STPG2: variants seen among roughly 807,000 people sequenced by gnomAD.
STPG2 encodes the protein sperm tail PG-rich repeat containing 2, also known as sperm-tail PG-rich repeat-containing protein 2.
STPG2 carries 56 observed loss-of-function variants against 54.2 expected under a neutral mutation model. The observed-to-expected ratio is 1.03, with a 90% CI of 0.83 to 1.29. The LOEUF (loss-of-function observed/expected upper bound fraction) is 1.29. Ranked by LOEUF, STPG2 falls within the 50% of genes most tolerant of loss-of-function variation. The pLI is 0.00. For synonymous variants in STPG2, 200 were observed against 181.8 expected (o/e 1.10, Z -0.81); for missense variants, 596 against 544.9 (o/e 1.09, Z -0.93).
intron 9 of STPG2, among the ~76,000 whole-genome samples, chr4:97,819,521 T>C (rs897026534): frequency 1.3e-5 from 2 of 152,156 alleles, no homozygotes; most frequent in African/African-American, 2.4e-5. Flanking sequence ...GATCTACTCA[T>C]TACTGAGTAA....
chr4:98,059,826 C>A (rs1737588710), intron 5 of STPG2, among the ~76,000 whole-genome samples: 1 of 152,088 alleles, frequency 6.6e-6, no homozygotes, highest in Non-Finnish European at 1.5e-5. Flanking sequence ...ATGATTATCT[C>A]AATAGATACA....
chr4:97,658,017 T>A (rs975840302), intron 10 of STPG2, among the ~76,000 whole-genome samples: 1 of 152,170 alleles, frequency 6.6e-6, no homozygotes, highest in African/African-American at 2.4e-5. Flanking sequence ...AAGAAGAACA[T>A]ATGTGATTTG....
intron 7 of STPG2, among the ~76,000 whole-genome samples, chr4:97,968,113 C>T (rs2149253740): frequency 6.6e-6 from 1 of 152,010 alleles, no homozygotes; most frequent in Admixed American, 6.5e-5. Flanking sequence ...ACACCATTAG[C>T]AAGATTAATA....
chr4:97,891,914 T>TTTC (rs1730786686), intron 8 of STPG2, among the ~76,000 whole-genome samples: 1 of 152,106 alleles, frequency 6.6e-6, no homozygotes, highest in African/African-American at 2.4e-5. Flanking sequence ...TGTCTACCTT[T>TTTC]TTCAGTAAAT....
At chr4:97,486,845 A>ATATATATGTATG (rs758834350) in intron 4 of STPG2, among the ~76,000 whole-genome samples, 15 of 137,076 alleles carry the variant, frequency 1.1e-4, no homozygotes, top group African/African-American at 4.2e-4. Flanking sequence ...ATATATATAT[A>ATATATATGTATG]TATGTATGTA....
intron 10 of STPG2, among the ~76,000 whole-genome samples, chr4:97,712,135 G>A (rs1443755542): frequency 6.6e-6 from 1 of 152,108 alleles, no homozygotes; most frequent in Non-Finnish European, 1.5e-5. Flanking sequence ...TAGTAGGGTA[G>A]GAATGGGGAA....
chr4:97,743,770 G>A (rs1391645524), intron 9 of STPG2, among the ~76,000 whole-genome samples: 1 of 151,476 alleles, frequency 6.6e-6, no homozygotes, highest in Non-Finnish European at 1.5e-5. Flanking sequence ...AATTCCATGG[G>A]GTTCTAAATA....
intron 3 of STPG2, among the ~76,000 whole-genome samples, chr4:98,112,577 T>C (rs1327442024): frequency 1.3e-5 from 2 of 152,132 alleles, no homozygotes; most frequent in African/African-American, 4.8e-5. Flanking sequence ...AACTTTAATG[T>C]TTGCATGAAG....
rs1007034488 is a variant in STPG2 at position 97,801,346 on chromosome 4, A to G, written c.1204+39427T>C. 6.6e-5 allele frequency among the ~76,000 whole-genome samples: 10 copies of G among 152,002 alleles called. 1 individual carries two copies. The highest frequency in any genetic ancestry group is 6.8e-3 in the Middle Eastern group (2 of 294). ...AACCTCCCCATTTCTACACTTTTTT[A>G]TCATCCACCCAGCTTAAGAAAATCT... On this transcript the variant is annotated intron_variant, in intron 9 of 10. Transcript: ENST00000295268.
In STPG2 at chr4:97,558,898, C is replaced by A; in HGVS notation, c.*160G>T. The A allele has an allele frequency of 1.7e-6, 1 of 585,994 alleles. No individual in the cohort carries two copies. The highest frequency in any genetic ancestry group is 3.0e-6 in the Non-Finnish European group (1 of 330,466). 36.3% of individuals were successfully genotyped at this position (585,994 alleles called of 1,614,324 possible). On this transcript the variant is annotated 3_prime_UTR_variant, in exon 11 of 11. Coordinates refer to ENST00000295268, the MANE Select transcript of STPG2 (RefSeq NM_174952.3). ...TTTGTCTTAACAAGGTTTATTTCTCCGTGGTTGTGTCATATAGTCACTAAA... is the reference window on the plus strand; with the variant it reads ...TTTGTCTTAACAAGGTTTATTTCTCAGTGGTTGTGTCATATAGTCACTAAA...
chr4:97,443,782 A>C (rs531311878), intron 4 of STPG2, among the ~76,000 whole-genome samples: 2 of 152,190 alleles, frequency 1.3e-5, no homozygotes, highest in Non-Finnish European at 2.9e-5. Flanking sequence ...ATAATTTTTC[A>C]TGAGCAATAT....
chr4:97,907,139 T>C (rs1234644571), intron 8 of STPG2, among the ~76,000 whole-genome samples: 4 of 152,038 alleles, frequency 2.6e-5, no homozygotes, highest in East Asian at 1.9e-4. Context: ...GCCCAAAATC[T>C]CCTTAAGCTG....
At chr4:97,455,807 C>G (rs1394298956) in intron 4 of STPG2, among the ~76,000 whole-genome samples, 2 of 152,096 alleles carry the variant, frequency 1.3e-5, no homozygotes, top group Non-Finnish European at 2.9e-5. Flanking sequence ...TAACACATGC[C>G]CAACTGAGGC....
intron 5 of STPG2, among the ~76,000 whole-genome samples, chr4:98,023,419 C>T: frequency 6.6e-6 from 1 of 152,178 alleles, no homozygotes; most frequent in East Asian, 1.9e-4. Context: ...GAGTACTTGG[C>T]CGTGTGAGGT....
rs551293297 is a variant in STPG2, at chr4:97,659,620, G to A, written c.1320+53079C>T. 1.1e-4 allele frequency among the ~76,000 whole-genome samples: 17 copies of A among 152,270 alleles called. No individual in the cohort carries two copies. In the East Asian group the frequency reaches 3.1e-3, roughly 28 times the overall value. On this transcript the variant is annotated intron_variant, in intron 10 of 10. Transcript: ENST00000295268. ...AGATAAAGCTTTACCTGTGCAATAA[G>A]GAGAGAAAAAGCAAAGTGCTTTGGC...
At chr4:98,054,251 ACCCC>A (rs2149316011) in intron 5 of STPG2, among the ~76,000 whole-genome samples, 1 of 152,192 alleles carries the variant, frequency 6.6e-6, no homozygotes, top group South Asian at 2.1e-4. Context: ...ACAACGCATA[ACCCC>A]ATGCAGCAGG....
intron 8 of STPG2, among the ~76,000 whole-genome samples, chr4:97,938,807 A>G (rs1732861098): frequency 6.6e-6 from 1 of 151,602 alleles, no homozygotes; most frequent in East Asian, 2.0e-4. Flanking sequence ...TCCTGATGAG[A>G]GAACCTGGAT....
intron 9 of STPG2, among the ~76,000 whole-genome samples, chr4:97,714,761 C>G (rs1356396213): frequency 1.8e-4 from 27 of 151,968 alleles, no homozygotes; most frequent in Admixed American, 1.8e-3. Context: ...AAACTATCAC[C>G]AGAAGCTGGG....
At chr4:97,634,397 C>T (rs925075102) in intron 10 of STPG2, among the ~76,000 whole-genome samples, 1 of 152,140 alleles carries the variant, frequency 6.6e-6, no homozygotes, top group Non-Finnish European at 1.5e-5. Flanking sequence ...GGGGAAAAAA[C>T]AGAACAGAAA....
Sources: allele counts gnomAD v4.1 joint callset (sites outside exome capture counted in the v4.1 genomes callset), GRCh38; gene constraint gnomAD v4.1.1; transcripts MANE v1.5; gene names NCBI Gene and HGNC (gene_info 2026-07-23, HGNC 2026-07-21).